Variants in MIGA1 observed in about 807,000 individuals in gnomAD.
MIGA1 encodes family with sequence similarity 73, member A.
MIGA1 carries 58 observed loss-of-function variants against 82.0 expected under a neutral mutation model. The observed-to-expected ratio is 0.71, with a 90% CI of 0.57 to 0.88. The LOEUF (loss-of-function observed/expected upper bound fraction) is 0.88. Ranked by LOEUF, MIGA1 falls within the 40% of genes least tolerant of loss-of-function variation. MIGA1 has a pLI of 0.00. For missense variants in MIGA1, 751 were observed against 749.1 expected, an observed-to-expected ratio of 1.00 and a Z score of -0.03; for synonymous variants, 249 against 253.6, an observed-to-expected ratio of 0.98 and a Z score of 0.17.
chr1:77,790,154 T>C (rs1557894595), intron 2 of MIGA1, among the ~76,000 whole-genome samples: 1 of 152,272 alleles, frequency 6.6e-6, no homozygotes, highest in East Asian at 1.9e-4. Flanking sequence ...ACAATGTATG[T>C]ATATAATTCT....
intron 2 of MIGA1, among the ~76,000 whole-genome samples, chr1:77,784,572 C>G (rs1480862501): frequency 6.6e-6 from 1 of 152,192 alleles, no homozygotes; most frequent in Non-Finnish European, 1.5e-5. Context: ...TTCACAGTAG[C>G]TGTACCACTT....
chr1:77,855,606 A>C (rs1685221095), intron 8 of MIGA1, among the ~76,000 whole-genome samples: 1 of 147,514 alleles, frequency 6.8e-6, no homozygotes, highest in South Asian at 2.2e-4. Context: ...AGGTCTTTGG[A>C]CTCCTTGGTT....
At chr1:77,829,888 A>T (rs12734154) in intron 7 of MIGA1, among the ~76,000 whole-genome samples, 9 of 66,546 alleles carry the variant, frequency 1.4e-4, no homozygotes, top group South Asian at 5.8e-4. Flanking sequence ...AAGCCCCCCC[A>T]CCCCCCACCG....
intron 5 of MIGA1, chr1:77,811,121 T>C: frequency 1.9e-6 from 3 of 1,571,506 alleles, no homozygotes; most frequent in Non-Finnish European, 2.6e-6. Context: ...ATGTCCACAT[T>C]AAAATGAACA....
At chr1:77,832,444 C>A (rs1240709123) in intron 7 of MIGA1, among the ~76,000 whole-genome samples, 3 of 152,160 alleles carry the variant, frequency 2.0e-5, no homozygotes, top group African/African-American at 7.2e-5. Flanking sequence ...AATACACAGA[C>A]AGTGGAGTAA....
intron 7 of MIGA1, among the ~76,000 whole-genome samples, chr1:77,831,518 T>G (rs964841570): frequency 1.3e-5 from 2 of 151,960 alleles, no homozygotes; most frequent in African/African-American, 4.8e-5. Context: ...TGGTAAAAAT[T>G]AGGCTTCAGT....
intron 8 of MIGA1, chr1:77,847,710 G>A: frequency 1.9e-6 from 3 of 1,581,882 alleles, no homozygotes; most frequent in Non-Finnish European, 2.6e-6. Flanking sequence ...TCAAGCAGTT[G>A]GTGAAGAGGA....
intron 14 of MIGA1, among the ~76,000 whole-genome samples, chr1:77,868,919 C>CTT (rs915584953): frequency 1.5e-5 from 2 of 136,118 alleles, no homozygotes; most frequent in Non-Finnish European, 3.2e-5. Flanking sequence ...AGCACATTTT[C>CTT]TTTTTTTTTT....
In MIGA1 at chr1:77,878,920, TG is replaced by T. The variant is rs929629122; in HGVS notation, c.*3857del. ...GATTCCGTTAATTTGTTGAATTAAA[TG>T]CCTTTATAAAAATATTTACAAATGT... On this transcript the variant is annotated 3_prime_UTR_variant, in exon 16 of 16. Transcript: ENST00000370791. 3.0e-6 allele frequency: 1 copy of T among 335,560 alleles called. No individual in the cohort carries two copies. Among genetic ancestry groups the T allele is most frequent in the Non-Finnish European group, 5.4e-6 (1 of 185,028 alleles). 20.8% of individuals were successfully genotyped at this position (335,560 alleles called of 1,614,324 possible). A position where few individuals can be genotyped will look rare whatever the true frequency, so the allele number is the denominator to read the frequency against.
chr1:77,868,977 G>A (rs537605375), intron 14 of MIGA1, among the ~76,000 whole-genome samples: 6 of 147,184 alleles, frequency 4.1e-5, no homozygotes, highest in East Asian at 4.0e-4. Flanking sequence ...GGTGTTTCTC[G>A]CAGAGGGGGA....
Position 77,876,010 on chromosome 1 carries a change from G to C in MIGA1, c.*946G>C, listed in dbSNP as rs1646891049. ...TAGCCAGGTGTGGTGGCGGGCGCCT[G>C]TAGTCCCAGCTACTCGGGAGGCTGA... On this transcript the variant is annotated 3_prime_UTR_variant, in exon 16 of 16. Transcript: ENST00000370791. The C allele has an allele frequency of 6.6e-6, 1 of 152,334 alleles. No individual in the cohort carries two copies. The highest frequency in any genetic ancestry group is 1.5e-5 in the Non-Finnish European group (1 of 68,224). 9.4% of individuals were successfully genotyped at this position (152,334 alleles called of 1,614,324 possible).
chr1:77,805,095 T>A (rs1171244584), intron 4 of MIGA1, among the ~76,000 whole-genome samples: 2 of 150,728 alleles, frequency 1.3e-5, no homozygotes, highest in African/African-American at 4.9e-5. Flanking sequence ...CCTGGGTTCA[T>A]GCCATTCTCC....
chr1:77,834,619 C>T (rs1360150410), intron 7 of MIGA1, among the ~76,000 whole-genome samples: 1 of 152,212 alleles, frequency 6.6e-6, no homozygotes, highest in East Asian at 1.9e-4. Flanking sequence ...TTTTTATATT[C>T]AACTTTGTTC....
At chr1:77,857,640 T>C (rs1685311826) in intron 8 of MIGA1, among the ~76,000 whole-genome samples, 2 of 151,638 alleles carry the variant, frequency 1.3e-5, no homozygotes, top group African/African-American at 2.4e-5. Context: ...ATTGTGCCAC[T>C]GCACTACAGC....
chr1:77,841,772 CCT>C (rs940133770), intron 7 of MIGA1, among the ~76,000 whole-genome samples: 2 of 148,874 alleles, frequency 1.3e-5, no homozygotes, highest in African/African-American at 4.9e-5. Flanking sequence ...CCTTTCTCTC[CCT>C]CTCTCTCTCT....
rs1446475380 is a variant in MIGA1 at position 77,801,424 on chromosome 1, C to T, written c.289C>T (p.Arg97Cys). 5.0e-6 allele frequency: 8 copies of T among 1,605,286 alleles called. No homozygotes were observed. The highest frequency in any genetic ancestry group is 1.7e-4 in the Middle Eastern group (1 of 6,046). Residue 97 changes from arginine to cysteine, a missense_variant, in exon 3 of 16, where the codon CGT becomes TGT. Around this residue, in one of 3 missense-constraint regions of MIGA1, gnomAD observed 482 missense variants for 439.4 expected, o/e 1.10. Transcript: ENST00000370791. ...TCTGGCTCATCACTTTAAAAGAAAA[C>T]GTGGAAAGAAGAAAGGAAAAATATT...
At chr1:77,817,851 A>C (rs149553431) in intron 7 of MIGA1, among the ~76,000 whole-genome samples, 117 of 152,180 alleles carry the variant, frequency 7.7e-4, no homozygotes, top group African/African-American at 2.6e-3. Context: ...CCAAGTATCT[A>C]TCTGATGTCA....
At chr1:77,858,016 A>C (rs1320958224) in intron 8 of MIGA1, among the ~76,000 whole-genome samples, 3 of 152,078 alleles carry the variant, frequency 2.0e-5, no homozygotes, top group Non-Finnish European at 4.4e-5. Context: ...CCTCTTTTTA[A>C]AAAATGCTTC....
At chr1:77,780,086 G>A (rs918252903) in intron 1 of MIGA1, 14 of 1,026,848 alleles carry the variant, frequency 1.4e-5, no homozygotes, top group African/African-American at 3.4e-5. Context: ...CTGGACGGCC[G>A]AGCTGGAGGG....
Sources: gnomAD v4.1 joint callset for allele counts (sites outside exome capture counted in the v4.1 genomes callset) on GRCh38, gnomAD v4.1.1 for gene constraint, gnomAD v4.1.1 regional missense constraint, MANE v1.5 for transcripts, NCBI Gene and HGNC (gene_info 2026-07-23, HGNC 2026-07-21) for gene names.